The following FBLN2 variants were observed in gnomAD, a reference collection of about 807,000 sequenced individuals.
FBLN2 encodes fibulin 2.
FBLN2 carries 81 observed loss-of-function variants against 123.7 expected under a neutral mutation model. The observed-to-expected ratio is 0.65, with a 90% CI of 0.55 to 0.79. The LOEUF (loss-of-function observed/expected upper bound fraction) is 0.79, where lower values mean the gene tolerates loss of function less well. FBLN2 is among the 30% of genes least tolerant of loss of function. FBLN2 has a pLI of 0.00. For synonymous variants in FBLN2, 699 were observed against 701.4 expected (o/e 1.00, Z 0.05); for missense variants, 1,603 against 1,681.3 (o/e 0.95, Z 0.81).
At position 13,597,526 on chromosome 3, in the gene FBLN2, C is replaced by T. The variant is rs371022343; in HGVS notation, c.1307-10536C>T. Among the ~76,000 whole-genome samples the T allele has an allele frequency of 4.6e-5, 7 of 152,184 alleles. No homozygotes were observed. The South Asian group carries it at 1.0e-3, about 23-fold the overall frequency. ...GGCTGTGTGCAGTATTCCCCTGTGA[C>T]CTGCCTCTTTCCCTGGTGCAGTGTT... On this transcript the variant is annotated intron_variant, in intron 2 of 17. Coordinates refer to ENST00000404922, the MANE Select transcript of FBLN2 (RefSeq NM_001004019.2).
intron 1 of FBLN2, among the ~76,000 whole-genome samples, chr3:13,559,921 T>C (rs993708769): frequency 1.3e-5 from 2 of 152,134 alleles, no homozygotes; most frequent in African/African-American, 2.4e-5. Flanking sequence ...TGCCTCCTTC[T>C]AGGGTCGGGT....
At chr3:13,612,530 G>A (rs917308561) in intron 4 of FBLN2, among the ~76,000 whole-genome samples, 3 of 151,840 alleles carry the variant, frequency 2.0e-5, no homozygotes, top group Non-Finnish European at 2.9e-5. Context: ...ACAGGTGCCC[G>A]CCACCACGCC....
At chr3:13,609,143 G>C (rs1461360625) in intron 3 of FBLN2, among the ~76,000 whole-genome samples, 2 of 152,220 alleles carry the variant, frequency 1.3e-5, no homozygotes, top group African/African-American at 4.8e-5. Context: ...CAGCCCAACA[G>C]TGACTGGCAG....
Position 13,634,772 on chromosome 3 carries a change from CAAGAGCCCAGA to C in FBLN2, c.3215-1672_3215-1662del, listed in dbSNP as rs1575004470. Among the ~76,000 whole-genome samples, 4 of 152,344 alleles carry C rather than the reference CAAGAGCCCAGA, an allele frequency of 2.6e-5. No individual in the cohort carries two copies. In the East Asian group the frequency reaches 7.7e-4, roughly 29 times the overall value. ...ACCCGCTACAAGAGAGCCTGGCAGC[CAAGAGCCCAGA>C]GTCTGAGGCGGTCCGGGGGTATTGA... On this transcript the variant is annotated intron_variant, in intron 16 of 17. Coordinates refer to ENST00000404922, the MANE Select transcript of FBLN2 (RefSeq NM_001004019.2).
At position 13,637,869 on chromosome 3, in the gene FBLN2, A is replaced by C; in HGVS notation, c.3646A>C (p.Thr1216Pro). The change falls in exon 18 of 18, where the codon ACC (threonine) becomes CCC (proline). Residue 1216 changes from threonine (T) to proline (P), a missense_variant. Physicochemically the swap from Thr to Pro is conservative, Grantham distance 38. Transcript: ENST00000404922. ...GAAGCTCTGGAGGCAGGGCTCCGTC[A>C]CCACCTTCCTGGCCAAGATGCACAT... Reference protein sequence around the residue: ...EMKLWRQGSVTTFLAKMHIFF... With the variant: ...EMKLWRQGSVPTFLAKMHIFF... The C allele has an allele frequency of 1.2e-6, 2 of 1,609,104 alleles. No homozygotes were observed. Among genetic ancestry groups the C allele is most frequent in the Non-Finnish European group, 1.7e-6 (2 of 1,176,450 alleles).
chr3:13,629,086 C>A (rs1706156559), intron 12 of FBLN2, 38 bp downstream of exon 12: 1 of 1,612,858 alleles, frequency 6.2e-7, no homozygotes, highest in Admixed American at 1.7e-5. Flanking sequence ...GCCAGCCCGG[C>A]CTGCCCGCTT....
intron 2 of FBLN2, among the ~76,000 whole-genome samples, chr3:13,576,376 A>G (rs1704146348): frequency 6.6e-6 from 1 of 152,232 alleles, no homozygotes; most frequent in Non-Finnish European, 1.5e-5. Flanking sequence ...ATACTGGTTC[A>G]TCTCTGCCTT....
chr3:13,637,522 G>C, intron 17 of FBLN2, 40 bp from the exon 18 acceptor site: 1 of 1,528,926 alleles, frequency 6.5e-7, no homozygotes, highest in South Asian at 1.3e-5. Context: ...GATGAGGGGG[G>C]TGGGCGAGCT....
chr3:13,591,045 G>T (rs1307498860), intron 2 of FBLN2, among the ~76,000 whole-genome samples: 1 of 152,228 alleles, frequency 6.6e-6, no homozygotes, highest in Non-Finnish European at 1.5e-5. Context: ...AGTTCCATTT[G>T]CTCCACATTT....
chr3:13,594,010 T>C (rs1056249542), intron 2 of FBLN2, among the ~76,000 whole-genome samples: 1 of 152,220 alleles, frequency 6.6e-6, no homozygotes, highest in Non-Finnish European at 1.5e-5. Context: ...TGAGTTACAG[T>C]TGACAAGCTG....
intron 14 of FBLN2, 47 bp downstream of exon 14, chr3:13,629,992 T>C: frequency 6.3e-7 from 1 of 1,598,058 alleles, no homozygotes. Flanking sequence ...GTATCTGTAG[T>C]GGGCAGACCC....
chr3:13,630,734 G>A lies in FBLN2; in HGVS notation c.3004G>A (p.Glu1002Lys). 6.2e-7 allele frequency: 1 copy of A among 1,609,694 alleles called. No individual in the cohort carries two copies. Among genetic ancestry groups the A allele is most frequent in the South Asian group, 1.1e-5 (1 of 89,882 alleles). The change falls in exon 15 of 18, where the codon GAG (glutamate) becomes AAG (lysine). Residue 1002 changes from glutamate (E) to lysine (K), a missense_variant. Physicochemically the swap from Glu to Lys is moderately conservative, Grantham distance 56. Coordinates refer to ENST00000404922, the MANE Select transcript of FBLN2 (RefSeq NM_001004019.2). ...NECEAQRCSQ[E>K]CANIYGSYQC... ...GTGTGAGGCCCAGCGCTGCAGCCAG[G>A]AGTGTGCCAACATCTATGGCTCCTA...
chr3:13,592,144 G>A (rs1204270117), intron 2 of FBLN2, among the ~76,000 whole-genome samples: 1 of 151,178 alleles, frequency 6.6e-6, no homozygotes, highest in African/African-American at 2.4e-5. Flanking sequence ...TTCTGCCTCA[G>A]CCTCCCGAGT....
At chr3:13,577,754 G>A (rs898618851) in intron 2 of FBLN2, among the ~76,000 whole-genome samples, 2 of 152,202 alleles carry the variant, frequency 1.3e-5, no homozygotes, top group South Asian at 2.1e-4. Flanking sequence ...GGCTGGACAG[G>A]TGCCCTGCAT....
chr3:13,622,232 G>C (rs4684965), intron 9 of FBLN2, among the ~76,000 whole-genome samples: 119,029 of 152,150 alleles, frequency 0.78, 47,121 homozygotes, highest in East Asian at 0.98. Context: ...AGCAGGATAG[G>C]ATGTGTGGGG....
intron 2 of FBLN2, among the ~76,000 whole-genome samples, chr3:13,587,132 G>A (rs1176794592): frequency 7.4e-6 from 1 of 134,834 alleles, no homozygotes; most frequent in African/African-American, 2.9e-5. Context: ...GTGACACAGC[G>A]AGACTCCGTC....
chr3:13,551,511 G>A (rs1029801675), intron 1 of FBLN2, among the ~76,000 whole-genome samples: 1 of 152,204 alleles, frequency 6.6e-6, no homozygotes, highest in African/African-American at 2.4e-5. Context: ...GGGCCTCCCA[G>A]CAGGCAAGGG....
At chr3:13,550,034 T>A (rs1703280172) in intron 1 of FBLN2, among the ~76,000 whole-genome samples, 1 of 152,222 alleles carries the variant, frequency 6.6e-6, no homozygotes, top group African/African-American at 2.4e-5. Flanking sequence ...ATCACACATG[T>A]GTCTCTCACA....
Position 13,621,887 on chromosome 3 carries a change from T to C in FBLN2, c.2268T>C (p.Tyr756=). 6.2e-7 allele frequency: 1 copy of C among 1,613,846 alleles called. No individual in the cohort carries two copies. The highest frequency in any genetic ancestry group is 1.3e-5 in the African/African-American group (1 of 75,068). Residue 756 remains tyrosine (Y), a synonymous_variant, in exon 9 of 18, where the codon TAT becomes TAC. Coordinates refer to ENST00000404922, the MANE Select transcript of FBLN2 (RefSeq NM_001004019.2). Reference sequence around the variant, plus strand: ...ACACAGTGCTCTGTGCCGATGGCTATATCCTCAATGCGCACAGGAAGTGCG... The same window carrying C: ...ACACAGTGCTCTGTGCCGATGGCTACATCCTCAATGCGCACAGGAAGTGCG... The part of the protein sequence containing the change: ...VNHTVLCADG[Y]ILNAHRKCVD...
Sources: gnomAD v4.1 joint callset for allele counts (sites outside exome capture counted in the v4.1 genomes callset) on GRCh38, gnomAD v4.1.1 for gene constraint, MANE v1.5 for transcripts, NCBI Gene and HGNC (gene_info 2026-07-23, HGNC 2026-07-21) for gene names.